The following CSRNP3 variants were observed in gnomAD, a reference collection of about 807,000 sequenced individuals.
CSRNP3 encodes cysteine and serine rich nuclear protein 3, also known as cysteine/serine-rich nuclear protein 3.
A neutral mutation model predicts 48.0 loss-of-function variants in CSRNP3; 12 were observed. The ratio of observed to expected loss-of-function variants is 0.25; its 90% CI spans 0.16 to 0.41. The LOEUF is 0.41. Ranked by LOEUF, CSRNP3 falls within the 10% of genes least tolerant of loss-of-function variation. The probability of loss-of-function intolerance (pLI) is 1.00; values close to 1 mark genes in which losing one functional copy is unlikely to be tolerated. For synonymous variants in CSRNP3, 263 were observed against 269.7 expected (o/e 0.98, Z 0.24); for missense variants, 580 against 724.4 (o/e 0.80, Z 2.29).
intron 3 of CSRNP3, among the ~76,000 whole-genome samples, chr2:165,554,453 G>C (rs553571983): frequency 2.6e-5 from 4 of 152,150 alleles, no homozygotes; most frequent in Non-Finnish European, 5.9e-5. Flanking sequence ...ACATCTCAAA[G>C]TTAATTTGAA....
intron 3 of CSRNP3, among the ~76,000 whole-genome samples, chr2:165,571,294 G>C (rs1035129453): frequency 3.3e-5 from 5 of 151,740 alleles, no homozygotes; most frequent in African/African-American, 1.2e-4. Flanking sequence ...TTTTCACTGA[G>C]ACTTAAAAGT....
chr2:165,619,644 G>T (rs184615254), intron 4 of CSRNP3, among the ~76,000 whole-genome samples: 1 of 152,112 alleles, frequency 6.6e-6, no homozygotes, highest in Admixed American at 6.5e-5. Flanking sequence ...AGAATTAGAG[G>T]CTCAAATTCT....
At chr2:165,629,572 C>T (rs17252066) in intron 4 of CSRNP3, among the ~76,000 whole-genome samples, 38,727 of 152,040 alleles carry the variant, frequency 0.25, 5,617 homozygotes, top group Non-Finnish European at 0.32. Flanking sequence ...CACAGGTATG[C>T]GACTTGTCCC....
intron 3 of CSRNP3, among the ~76,000 whole-genome samples, chr2:165,559,727 T>G (rs1365334430): frequency 6.6e-6 from 1 of 151,844 alleles, no homozygotes; most frequent in Admixed American, 6.6e-5. Context: ...ATTGTGCACT[T>G]TAAGTATCTT....
At chr2:165,550,235 G>T (rs1685080133) in intron 3 of CSRNP3, among the ~76,000 whole-genome samples, 1 of 152,146 alleles carries the variant, frequency 6.6e-6, no homozygotes, top group African/African-American at 2.4e-5. Flanking sequence ...TACAGAGAAA[G>T]ATATGGGTGC....
intron 1 of CSRNP3, among the ~76,000 whole-genome samples, chr2:165,479,223 A>C (rs758297077): frequency 3.9e-5 from 6 of 152,196 alleles, no homozygotes; most frequent in Non-Finnish European, 7.3e-5. Flanking sequence ...GCACACACAT[A>C]CACACACAGA....
At position 165,678,694 on chromosome 2, in the gene CSRNP3, T is replaced by C; in HGVS notation, c.706-7T>C. On this transcript the variant is annotated splice_region_variant and splice_polypyrimidine_tract_variant and intron_variant, in intron 6 of 6. Transcript: ENST00000651982. ...CCATGGTGCTAATCTGTGTTCTTCC[T>C]TCCAAGGTGGATCGTATGTCTTTCC... 1 of 1,611,612 alleles carries C rather than the reference T, an allele frequency of 6.2e-7. No individual in the cohort carries two copies. Among genetic ancestry groups the C allele is most frequent in the Non-Finnish European group, 8.5e-7 (1 of 1,178,588 alleles).
chr2:165,541,346 T>C (rs764145200), intron 3 of CSRNP3, among the ~76,000 whole-genome samples: 3 of 152,054 alleles, frequency 2.0e-5, no homozygotes, highest in Non-Finnish European at 1.5e-5. Flanking sequence ...ACTCGATCAC[T>C]TTTCATATGG....
chr2:165,607,442 T>C (rs1355481537), intron 4 of CSRNP3, among the ~76,000 whole-genome samples: 1 of 152,176 alleles, frequency 6.6e-6, no homozygotes. Flanking sequence ...ACATATTTAT[T>C]ACCAAGTCTT....
At chr2:165,532,612 G>T (rs1395363822) in intron 3 of CSRNP3, among the ~76,000 whole-genome samples, 1 of 150,962 alleles carries the variant, frequency 6.6e-6, no homozygotes, top group African/African-American at 2.4e-5. Flanking sequence ...CATACTGAAT[G>T]GGCAAAAACT....
At chr2:165,549,924 G>C (rs1239986188) in intron 3 of CSRNP3, among the ~76,000 whole-genome samples, 2 of 152,052 alleles carry the variant, frequency 1.3e-5, no homozygotes, top group African/African-American at 4.8e-5. Context: ...TTCAGTCCTT[G>C]GTTTTTCTGT....
intron 4 of CSRNP3, among the ~76,000 whole-genome samples, chr2:165,608,083 T>A (rs1310956021): frequency 4.0e-5 from 6 of 149,984 alleles, no homozygotes; most frequent in Non-Finnish European, 3.0e-5. Context: ...ATATATATAT[T>A]ATATATATAT....
chr2:165,663,607 A>G (rs1358736312), intron 5 of CSRNP3, among the ~76,000 whole-genome samples: 2 of 152,240 alleles, frequency 1.3e-5, no homozygotes, highest in Non-Finnish European at 2.9e-5. Context: ...AACTAAGCAT[A>G]TGTAATCAAA....
At chr2:165,666,969 AGGAAAGAG>A (rs1467132389) in intron 5 of CSRNP3, among the ~76,000 whole-genome samples, 2 of 31,658 alleles carry the variant, frequency 6.3e-5, no homozygotes, top group East Asian at 1.1e-3. Context: ...GAAGGAAGGA[AGGAAAGAG>A]AGAGAGGAAG....
chr2:165,554,028 T>A (rs1685132362), intron 3 of CSRNP3, among the ~76,000 whole-genome samples: 1 of 152,224 alleles, frequency 6.6e-6, no homozygotes, highest in Non-Finnish European at 1.5e-5. Flanking sequence ...CTTGTGAAGA[T>A]CACAGTGCCT....
intron 3 of CSRNP3, among the ~76,000 whole-genome samples, chr2:165,553,950 A>G (rs890879800): frequency 6.6e-6 from 1 of 152,206 alleles, no homozygotes; most frequent in Non-Finnish European, 1.5e-5. Flanking sequence ...CCATCTGCTT[A>G]GCAAAACTCC....
At chr2:165,486,257 C>T (rs1684114280) in intron 1 of CSRNP3, among the ~76,000 whole-genome samples, 1 of 152,192 alleles carries the variant, frequency 6.6e-6, no homozygotes, top group Non-Finnish European at 1.5e-5. Context: ...AACGGTGCAC[C>T]ACGAGACTAT....
At chr2:165,596,166 A>G (rs556461707) in intron 4 of CSRNP3, among the ~76,000 whole-genome samples, 95 of 144,154 alleles carry the variant, frequency 6.6e-4, no homozygotes, top group Middle Eastern at 3.6e-3. Flanking sequence ...GCCACATTGT[A>G]ATGTCAGCCC....
Position 165,514,253 on chromosome 2 carries a change from C to T in CSRNP3, c.-112-3620C>T, listed in dbSNP as rs546156924. Among the ~76,000 whole-genome samples, 7 of 152,322 alleles carry T rather than the reference C, an allele frequency of 4.6e-5. No individual in the cohort carries two copies. In the East Asian group the frequency reaches 7.7e-4, roughly 17 times the overall value. ...GTCCCTGCTAAGCCCAACCATAGGGCGTGGATCCCACTCACAGGTGGTATG... is the reference window on the plus strand; with the variant it reads ...GTCCCTGCTAAGCCCAACCATAGGGTGTGGATCCCACTCACAGGTGGTATG... On this transcript the variant is annotated intron_variant, in intron 2 of 6. Coordinates refer to ENST00000651982, the MANE Select transcript of CSRNP3 (RefSeq NM_001172173.2).
Sources: gnomAD v4.1 joint callset for allele counts (sites outside exome capture counted in the v4.1 genomes callset) on GRCh38, gnomAD v4.1.1 for gene constraint, MANE v1.5 for transcripts, NCBI Gene and HGNC (gene_info 2026-07-23, HGNC 2026-07-21) for gene names.